The following GALNT17 variants were observed in gnomAD, a reference collection of about 807,000 sequenced individuals.
GALNT17 encodes polypeptide N-acetylgalactosaminyltransferase 17.
A neutral mutation model predicts 63.7 loss-of-function variants in GALNT17; 29 were observed. That is an observed-to-expected ratio of 0.46 (90% CI 0.34 to 0.62). The LOEUF is 0.62. Ranked by LOEUF, GALNT17 falls within the 20% of genes least tolerant of loss-of-function variation. The pLI is 0.01. For missense variants in GALNT17, 603 were observed against 799.6 expected (o/e 0.75, Z 2.97); for synonymous variants, 305 against 318.3 (o/e 0.96, Z 0.45).
chr7:71,333,476 C>T (rs73358132), intron 1 of GALNT17, among the ~76,000 whole-genome samples: 2,959 of 152,206 alleles, frequency 0.019, 78 homozygotes, highest in African/African-American at 0.068. Flanking sequence ...CGAATGTTTC[C>T]ATTTTTCTTG....
chr7:71,388,379 G>C lies in GALNT17; in HGVS notation c.567G>C (p.Leu189=), dbSNP rs754719210. Residue 189 remains leucine (L), a synonymous_variant, in exon 3 of 11, where the codon CTG becomes CTC. Transcript: ENST00000333538. ...TPTHLLKEII[L]VDDNSDEEEL... ...CACACCTGCTGAAGGAAATCATTCT[G>C]GTGGATGACAACAGCGACGAAGGTA... The C allele has an allele frequency of 6.2e-7, 1 of 1,613,968 alleles. No homozygotes were observed. The highest frequency in any genetic ancestry group is 1.7e-5 in the Admixed American group (1 of 59,992).
chr7:71,610,964 C>T lies in GALNT17; in HGVS notation c.1080+39562C>T, dbSNP rs989647858. 6.6e-4 allele frequency among the ~76,000 whole-genome samples: 87 copies of T among 132,244 alleles called. 1 individual carries two copies. Among genetic ancestry groups the T allele is most frequent in the African/African-American group, 2.3e-3 (83 of 35,416 alleles). The allele number at this position is 132,244 out of a possible 152,430, so 86.8% of individuals were successfully genotyped here. On this transcript the variant is annotated intron_variant, in intron 6 of 10. Transcript: ENST00000333538. ...TCACGCCACTGCACTCCAGCCTGAG[C>T]GGTGACAGAGCGAGACTCCATTTCA...
chr7:71,589,698 T>TTA lies in GALNT17; in HGVS notation c.1080+18298_1080+18299dup, dbSNP rs541399975. On this transcript the variant is annotated intron_variant, in intron 6 of 10. Coordinates refer to ENST00000333538, the MANE Select transcript of GALNT17 (RefSeq NM_022479.3). ...TCGTGAGATTTCTGTGCGTTTTTCATTATTGAACCTATTTTACAGATGATA... is the reference window on the plus strand; with the variant it reads ...TCGTGAGATTTCTGTGCGTTTTTCATTATATTGAACCTATTTTACAGATGATA... 5.9e-5 allele frequency among the ~76,000 whole-genome samples: 9 copies of TTA among 152,354 alleles called. 2 individuals carry two copies. The South Asian group carries it at 1.7e-3, about 28-fold the overall frequency.
rs190111414 is a variant in GALNT17 at position 71,529,613 on chromosome 7, A to C, written c.963-41672A>C. Among the ~76,000 whole-genome samples the C allele has an allele frequency of 6.1e-4, 93 of 152,340 alleles. 1 individual carries two copies. In the East Asian group the frequency reaches 0.016, roughly 27 times the overall value. On this transcript the variant is annotated intron_variant, in intron 5 of 10. Transcript: ENST00000333538. ...CCAAGCTTCCATTTGGTGGCAGTGA[A>C]ATGTGTACAGACATATTAAGAGAGA...
At chr7:71,422,991 C>T (rs546021120) in intron 5 of GALNT17, among the ~76,000 whole-genome samples, 7 of 152,250 alleles carry the variant, frequency 4.6e-5, no homozygotes, top group African/African-American at 1.4e-4. Flanking sequence ...GGCCGAACTC[C>T]CCTCAGCATC....
chr7:71,201,969 T>G (rs1279602061), intron 1 of GALNT17, among the ~76,000 whole-genome samples: 1 of 152,204 alleles, frequency 6.6e-6, no homozygotes, highest in African/African-American at 2.4e-5. Flanking sequence ...ATTTGGGATC[T>G]ATGTCTGGGA....
At chr7:71,133,139 C>T in intron 1 of GALNT17, 99 bp downstream of exon 1, 1 of 1,065,690 alleles carries the variant, frequency 9.4e-7, no homozygotes, top group Non-Finnish European at 1.3e-6. Flanking sequence ...GCCTGGGAGC[C>T]GGCACACCCT....
intron 1 of GALNT17, among the ~76,000 whole-genome samples, chr7:71,170,419 T>G (rs529505973): frequency 2.0e-5 from 3 of 152,218 alleles, no homozygotes; most frequent in Non-Finnish European, 4.4e-5. Flanking sequence ...CACCGCAACC[T>G]CTGCCTCCCG....
Position 71,335,580 on chromosome 7 carries a change from G to A in GALNT17, c.269G>A (p.Gly90Asp), listed in dbSNP as rs371173470. Residue 90 changes from glycine to aspartate, a missense_variant, in exon 2 of 11, where the codon GGT becomes GAT. Around this residue, in one of 3 missense-constraint regions of GALNT17, gnomAD observed 195 missense variants for 215.0 expected, o/e 0.91. Coordinates refer to ENST00000333538, the MANE Select transcript of GALNT17 (RefSeq NM_022479.3). ...GLSKSLGLIE[G>D]YGGRGKGGLP... Reference sequence around the variant, plus strand: ...TCCAAATCCCTTGGGCTCATTGAAGGTTATGGTGGGCGGGGTAAAGGGGGC... The same window carrying A: ...TCCAAATCCCTTGGGCTCATTGAAGATTATGGTGGGCGGGGTAAAGGGGGC... The A allele has an allele frequency of 8.1e-6, 13 of 1,609,178 alleles. No homozygotes were observed. Among genetic ancestry groups the A allele is most frequent in the Middle Eastern group, 3.3e-4 (2 of 6,054 alleles).
At chr7:71,371,859 G>T (rs1218731093) in intron 2 of GALNT17, among the ~76,000 whole-genome samples, 1 of 152,186 alleles carries the variant, frequency 6.6e-6, no homozygotes, top group Non-Finnish European at 1.5e-5. Context: ...CTTTTGGTTT[G>T]TGGTACCTTC....
intron 3 of GALNT17, among the ~76,000 whole-genome samples, chr7:71,408,750 G>A (rs1793373767): frequency 6.6e-6 from 1 of 152,032 alleles, no homozygotes; most frequent in Non-Finnish European, 1.5e-5. Context: ...GTGTGTGCAG[G>A]TAGTTCCAGG....
chr7:71,226,965 C>G (rs1242634401), intron 1 of GALNT17, among the ~76,000 whole-genome samples: 2 of 152,026 alleles, frequency 1.3e-5, no homozygotes, highest in Non-Finnish European at 2.9e-5. Context: ...AACCACACTT[C>G]TTTGGAACAA....
intron 2 of GALNT17, among the ~76,000 whole-genome samples, chr7:71,357,993 G>A (rs186148471): frequency 6.6e-6 from 1 of 152,170 alleles, no homozygotes; most frequent in East Asian, 1.9e-4. Flanking sequence ...GGACAAATAA[G>A]GGAATAAAAG....
chr7:71,433,179 C>T (rs1025064584), intron 5 of GALNT17, among the ~76,000 whole-genome samples: 3 of 152,112 alleles, frequency 2.0e-5, no homozygotes, highest in Admixed American at 6.5e-5. Context: ...ATCTGGAAGT[C>T]GTCATCTTCC....
chr7:71,240,669 T>TTC (rs1789976849), intron 1 of GALNT17, among the ~76,000 whole-genome samples: 1 of 149,922 alleles, frequency 6.7e-6, no homozygotes, highest in Non-Finnish European at 1.5e-5. Flanking sequence ...TCTTTTTTCT[T>TTC]TTTTTCCTTT....
intron 5 of GALNT17, among the ~76,000 whole-genome samples, chr7:71,467,065 C>G (rs1011208401): frequency 3.3e-5 from 5 of 152,138 alleles, no homozygotes; most frequent in African/African-American, 9.7e-5. Context: ...TTACGATTTT[C>G]TTCATGGCCT....
At chr7:71,234,190 A>G (rs776776303) in intron 1 of GALNT17, among the ~76,000 whole-genome samples, 2 of 152,154 alleles carry the variant, frequency 1.3e-5, no homozygotes, top group African/African-American at 2.4e-5. Flanking sequence ...TCGGAGAGCT[A>G]TCCTGTCACT....
chr7:71,151,273 T>C (rs1389604056), intron 1 of GALNT17, among the ~76,000 whole-genome samples: 1 of 152,176 alleles, frequency 6.6e-6, no homozygotes, highest in Non-Finnish European at 1.5e-5. Context: ...ATGGTTGGAT[T>C]GGATGCCACC....
At chr7:71,464,997 A>G (rs1159456472) in intron 5 of GALNT17, among the ~76,000 whole-genome samples, 1 of 152,166 alleles carries the variant, frequency 6.6e-6, no homozygotes, top group Non-Finnish European at 1.5e-5. Context: ...ATTCTAAAGA[A>G]CCATCTTAAT....
Sources: allele counts gnomAD v4.1 joint callset (sites outside exome capture counted in the v4.1 genomes callset), GRCh38; gene constraint gnomAD v4.1.1; regional missense constraint gnomAD v4.1.1; transcripts MANE v1.5; gene names NCBI Gene and HGNC (gene_info 2026-07-23, HGNC 2026-07-21).